LPCAT3: variants seen among roughly 807,000 people sequenced by gnomAD.
LPCAT3 encodes the protein lysophosphatidylcholine acyltransferase 3, also known as lysophospholipid acyltransferase 5.
LPCAT3 carries 21 observed loss-of-function variants against 63.4 expected under a neutral mutation model. The ratio of observed to expected loss-of-function variants is 0.33; its 90% CI spans 0.23 to 0.48. LPCAT3 has a LOEUF of 0.48. Ranked by LOEUF, LPCAT3 falls within the 20% of genes least tolerant of loss-of-function variation. LPCAT3 has a pLI of 0.99. For missense variants in LPCAT3, 451 were observed against 590.6 expected, an observed-to-expected ratio of 0.76 and a Z score of 2.45; for synonymous variants, 242 against 227.5, an observed-to-expected ratio of 1.06 and a Z score of -0.58.
intron 1 of LPCAT3, among the ~76,000 whole-genome samples, chr12:7,000,026 TCTC>T (rs1946670984): frequency 6.6e-6 from 1 of 150,536 alleles, no homozygotes. Flanking sequence ...TTCAAGCAAT[TCTC>T]CTGCCTCAGC....
intron 1 of LPCAT3, among the ~76,000 whole-genome samples, chr12:7,015,146 C>T (rs1946789694): frequency 6.6e-6 from 1 of 152,100 alleles, no homozygotes; most frequent in Non-Finnish European, 1.5e-5. Context: ...GCATTCCACC[C>T]CAAGATCAGC....
chr12:6,985,968 T>G (rs1464847778), intron 1 of LPCAT3, among the ~76,000 whole-genome samples: 1 of 151,986 alleles, frequency 6.6e-6, no homozygotes, highest in African/African-American at 2.4e-5. Context: ...AGAGACGGTA[T>G]TTCACCATGT....
At chr12:6,979,383 C>G (rs1203550655) in intron 7 of LPCAT3, 88 bp downstream of exon 7, 1 of 970,148 alleles carries the variant, frequency 1.0e-6, no homozygotes, top group Non-Finnish European at 1.6e-6. Context: ...ATGATATTTC[C>G]TACTTCTCTG....
At chr12:6,981,433 G>A in intron 5 of LPCAT3, 162 bp downstream of exon 5, 1 of 782,618 alleles carries the variant, frequency 1.3e-6, no homozygotes, top group Non-Finnish European at 2.2e-6. Flanking sequence ...GGGCAAATTA[G>A]ATTTGTTGAT....
chr12:7,014,438 A>G (rs1017172126), intron 1 of LPCAT3, among the ~76,000 whole-genome samples: 2 of 152,144 alleles, frequency 1.3e-5, no homozygotes, highest in Non-Finnish European at 2.9e-5. Context: ...TCATGGCAAA[A>G]TTCCTCTTCA....
Position 6,999,912 on chromosome 12 carries a change from C to T in LPCAT3, c.152-16373G>A, listed in dbSNP as rs1223312807. On this transcript the variant is annotated intron_variant, in intron 1 of 12. Transcript: ENST00000261407. ...CTCTGCAGCTTGGGCAAATTACTTA[C>T]ATTCTTTTTTTTTTTTTTTTTTTTT... Among the ~76,000 whole-genome samples, 18 of 139,202 alleles carry T rather than the reference C, an allele frequency of 1.3e-4. No individual in the cohort carries two copies. In the East Asian group the frequency reaches 3.4e-3, roughly 26 times the overall value. 91.3% of individuals were successfully genotyped at this position (139,202 alleles called of 152,430 possible).
At chr12:7,001,730 C>T (rs1356953426) in intron 1 of LPCAT3, among the ~76,000 whole-genome samples, 8 of 152,184 alleles carry the variant, frequency 5.3e-5, no homozygotes, top group African/African-American at 1.4e-4. Context: ...ACACTGTCAC[C>T]CCTAGTTTAG....
chr12:6,978,994 G>A lies in LPCAT3; in HGVS notation c.787-305C>T, dbSNP rs112610676. The stretch of plus-strand genomic sequence containing the variant: ...AGCATTTGGAATGTTAAGTACAGAG[G>A]GGCCCATATTGGATTTTAATTTAAG... On this transcript the variant is annotated intron_variant, in intron 7 of 12. Coordinates refer to ENST00000261407, the MANE Select transcript of LPCAT3 (RefSeq NM_005768.6). 6.4e-5 allele frequency: 23 copies of A among 357,238 alleles called. 1 individual carries two copies. The highest frequency in any genetic ancestry group is 4.2e-4 in the African/African-American group (20 of 47,792). 22.1% of individuals were successfully genotyped at this position (357,238 alleles called of 1,614,324 possible). A position where few individuals can be genotyped will look rare whatever the true frequency, so the allele number is the denominator to read the frequency against.
rs1339642644 is a variant in LPCAT3, at chr12:6,982,715, G to A, written c.327C>T (p.Arg109=). The A allele has an allele frequency of 6.2e-7, 1 of 1,613,914 alleles. No individual in the cohort carries two copies. The highest frequency in any genetic ancestry group is 1.3e-5 in the African/African-American group (1 of 74,924). Residue 109 remains arginine, a synonymous_variant, in exon 3 of 13, where the codon CGC becomes CGT. Transcript: ENST00000261407. ...LQFLILRLMG[R]TITAVLTTFC... ...AGGTAGTGAGGACGGCAGTGATGGT[G>A]CGGCCCATTAGTCGAAGGATGAGGA...
intron 1 of LPCAT3, among the ~76,000 whole-genome samples, chr12:6,999,444 C>G (rs1314731004): frequency 1.1e-4 from 16 of 152,242 alleles, no homozygotes; most frequent in Admixed American, 1.0e-3. Context: ...TTTTTACTCT[C>G]TCAACCCAGC....
chr12:6,983,277 A>G, intron 2 of LPCAT3, 155 bp downstream of exon 2: 1 of 621,434 alleles, frequency 1.6e-6, no homozygotes, highest in East Asian at 2.7e-5. Flanking sequence ...AAAAAAAGGA[A>G]AAGTTAAGCT....
rs115586741 is a variant in LPCAT3 at position 6,977,136 on chromosome 12, G to A, written c.*10C>T. ...TTAGTTTAGCTGTATTAACTTACCA[G>A]GGAAATGGATTATTCCATCTTCTTT... On this transcript the variant is annotated splice_region_variant and 3_prime_UTR_variant, in exon 12 of 13. Coordinates refer to ENST00000261407, the MANE Select transcript of LPCAT3 (RefSeq NM_005768.6). The surrounding 1 kb of genome is among the most constrained non-coding windows in gnomAD (Gnocchi z 4.5). The A allele has an allele frequency of 4.9e-3, 7,709 of 1,559,670 alleles. 278 individuals are homozygous for A. The African/African-American group carries it at 0.072, about 15-fold the overall frequency.
intron 1 of LPCAT3, among the ~76,000 whole-genome samples, chr12:7,006,469 T>G (rs1946725662): frequency 6.6e-6 from 1 of 152,204 alleles, no homozygotes; most frequent in South Asian, 2.1e-4. Flanking sequence ...TCCGCCCACC[T>G]TGGCCTCCCA....
intron 1 of LPCAT3, among the ~76,000 whole-genome samples, chr12:6,990,685 G>A (rs1467270727): frequency 6.6e-6 from 1 of 151,540 alleles, no homozygotes; most frequent in Non-Finnish European, 1.5e-5. Context: ...TGCTTTGGGA[G>A]GCCGAGGTGG....
chr12:6,983,442 A>G lies in LPCAT3; in HGVS notation c.249T>C (p.Tyr83=). ...FHTFTGLSIA[Y]FNFGNQLYHS... ...ATTTAGTTTACTCACCAAAGTTAAA[A>G]TAAGCAATTGAGAGGCCTGTAAAGG... The change falls in exon 2 of 13, where the codon TAT becomes TAC. Residue 83 remains tyrosine (Y), a synonymous_variant. Coordinates refer to ENST00000261407, the MANE Select transcript of LPCAT3 (RefSeq NM_005768.6). 1 of 1,602,572 alleles carries G rather than the reference A, an allele frequency of 6.2e-7. No individual in the cohort carries two copies. Among genetic ancestry groups the G allele is most frequent in the Non-Finnish European group, 8.5e-7 (1 of 1,170,788 alleles).
chr12:6,980,501 G>A (rs1347621661), intron 6 of LPCAT3, among the ~76,000 whole-genome samples: 1 of 151,892 alleles, frequency 6.6e-6, no homozygotes, highest in Non-Finnish European at 1.5e-5. Context: ...GACTACAGAT[G>A]CATGCCACTA....
chr12:7,004,632 T>C (rs1555156754), intron 1 of LPCAT3, among the ~76,000 whole-genome samples: 2 of 152,232 alleles, frequency 1.3e-5, no homozygotes, highest in African/African-American at 2.4e-5. Context: ...CCCATACATA[T>C]GTGTATACAC....
intron 1 of LPCAT3, among the ~76,000 whole-genome samples, chr12:6,991,861 G>C (rs188672101): frequency 1.3e-5 from 2 of 152,232 alleles, no homozygotes; most frequent in Non-Finnish European, 2.9e-5. Context: ...TGCAGCAGAG[G>C]CGGTTTATGC....
chr12:7,009,730 T>A (rs1178234002), intron 1 of LPCAT3, among the ~76,000 whole-genome samples: 5 of 152,166 alleles, frequency 3.3e-5, no homozygotes, highest in African/African-American at 9.7e-5. Flanking sequence ...CCTTACAACA[T>A]CCCAATGAGC....
Sources: gnomAD v4.1 joint callset for allele counts (sites outside exome capture counted in the v4.1 genomes callset) on GRCh38, gnomAD v4.1.1 for gene constraint, Gnocchi (gnomAD v3.1) non-coding constraint, MANE v1.5 for transcripts, NCBI Gene and HGNC (gene_info 2026-07-23, HGNC 2026-07-21) for gene names.